CCDC201: variants seen among roughly 807,000 people sequenced by gnomAD.
CCDC201 encodes coiled-coil domain containing 201, also known as coiled-coil domain-containing protein 201.
the CCDC201 span, among the ~76,000 whole-genome samples, chr7:45,879,232 A>T: frequency 6.6e-6 from 1 of 152,178 alleles, no homozygotes; most frequent in Non-Finnish European, 1.5e-5. Context: ...AGTCTTTAGG[A>T]AGTTCTCAAC....
At position 45,864,340 on chromosome 7, in the gene CCDC201, G is replaced by A. The variant is rs530410798; in HGVS notation, c.478-1169C>T. Among the ~76,000 whole-genome samples, 22 of 152,322 alleles carry A rather than the reference G, an allele frequency of 1.4e-4. No homozygotes were observed. In the South Asian group the frequency reaches 4.1e-3, roughly 29 times the overall value. ...GTTCCACATGGGTTGTTCCCCACAA[G>A]CTCTACCCATAGTGAGAGCTTCAGG... On this transcript the variant is annotated intron_variant, in intron 2 of 2. Coordinates refer to ENST00000636578, the Ensembl canonical transcript of CCDC201.
At chr7:45,871,737 C>A (rs4724443) in intron 1 of CCDC201, among the ~76,000 whole-genome samples, 78,425 of 152,094 alleles carry the variant, frequency 0.52, 20,415 homozygotes, top group East Asian at 0.63. Flanking sequence ...TAAATCCACA[C>A]AGTTTCTTAA....
the CCDC201 span, among the ~76,000 whole-genome samples, chr7:45,883,696 T>C: frequency 2.0e-5 from 3 of 152,250 alleles, no homozygotes; most frequent in African/African-American, 4.8e-5. Flanking sequence ...GGTCACTATG[T>C]GGGCCATCCC....
intron 2 of CCDC201, among the ~76,000 whole-genome samples, chr7:45,863,567 C>G (rs1031556691): frequency 2.6e-5 from 4 of 152,132 alleles, no homozygotes; most frequent in African/African-American, 9.7e-5. Context: ...AGAACCCCCT[C>G]TTCTAGGAGG....
intron 1 of CCDC201, among the ~76,000 whole-genome samples, chr7:45,868,453 G>A (rs68177059): frequency 0.045 from 6,810 of 152,256 alleles, 223 homozygotes; most frequent in Admixed American, 0.064. Context: ...ACAAAGGTAT[G>A]ACTACCAAAT....
chr7:45,860,296 T>C (rs962177185), exon 3 of CCDC201: 4 of 152,176 alleles, frequency 2.6e-5, no homozygotes, highest in African/African-American at 9.7e-5. Flanking sequence ...AATGGTAGAA[T>C]GTCATCAGTT....
chr7:45,875,334 A>C (rs140576041), upstream of CCDC201, among the ~76,000 whole-genome samples: 565 of 152,180 alleles, frequency 3.7e-3, 5 homozygotes, highest in African/African-American at 0.013. Context: ...ATCTCTACTG[A>C]AAATACAAAA....
exon 3 of CCDC201, chr7:45,860,626 G>T (rs1786587369): frequency 6.6e-6 from 1 of 152,182 alleles, no homozygotes; most frequent in African/African-American, 2.4e-5. Context: ...ACATAAGCGG[G>T]CAGCACTCAT....
chr7:45,866,141 C>A, exon 2 of CCDC201: 1 of 192,608 alleles, frequency 5.2e-6, no homozygotes, highest in Non-Finnish European at 1.1e-5. Context: ...GGGACTCTTG[C>A]TGCTGCTGCT....
chr7:45,869,276 G>A (rs545935342), intron 1 of CCDC201, among the ~76,000 whole-genome samples: 1 of 152,208 alleles, frequency 6.6e-6, no homozygotes, highest in Admixed American at 6.5e-5. Context: ...ATTAAAATCT[G>A]TTCTCATTGA....
At chr7:45,869,264 A>C (rs1786715179) in intron 1 of CCDC201, among the ~76,000 whole-genome samples, 1 of 152,254 alleles carries the variant, frequency 6.6e-6, no homozygotes, top group Admixed American at 6.5e-5. Flanking sequence ...GTGTGCTGGA[A>C]CATTAAAATC....
chr7:45,884,023 CTTT>C, the CCDC201 span, among the ~76,000 whole-genome samples: 2 of 148,160 alleles, frequency 1.3e-5, no homozygotes, highest in Admixed American at 6.8e-5. Flanking sequence ...CTTTCTCTCT[CTTT>C]CTTCCTTCCT....
At chr7:45,875,977 C>T (rs573921685), upstream of CCDC201, among the ~76,000 whole-genome samples, 6 of 152,300 alleles carry the variant, frequency 3.9e-5, no homozygotes, top group South Asian at 2.1e-4. Flanking sequence ...GAGATGACCA[C>T]GCCCTATTCC....
exon 3 of CCDC201, chr7:45,860,749 C>T (rs1476100024): frequency 6.6e-6 from 1 of 152,236 alleles, no homozygotes. Flanking sequence ...GACTCAGTTC[C>T]ATAGGCATGT....
At chr7:45,872,176 A>G (rs1786749806) in intron 1 of CCDC201, among the ~76,000 whole-genome samples, 2 of 152,068 alleles carry the variant, frequency 1.3e-5, no homozygotes, top group African/African-American at 4.8e-5. Context: ...ACAGGCATGC[A>G]TTTTCTATTT....
At chr7:45,882,278 G>A in the CCDC201 span, among the ~76,000 whole-genome samples, 1 of 152,172 alleles carries the variant, frequency 6.6e-6, no homozygotes, top group Non-Finnish European at 1.5e-5. Flanking sequence ...CCACCCCAGA[G>A]GTCCCAGCCT....
chr7:45,881,989 G>A, the CCDC201 span, among the ~76,000 whole-genome samples: 2 of 152,134 alleles, frequency 1.3e-5, no homozygotes, highest in Non-Finnish European at 2.9e-5. Context: ...AGGGCAGCAC[G>A]TCGGGCCTTT....
intron 1 of CCDC201, among the ~76,000 whole-genome samples, chr7:45,867,074 C>T (rs527926205): frequency 6.6e-6 from 1 of 152,316 alleles, no homozygotes; most frequent in Admixed American, 6.5e-5. Context: ...CATGCTCCTG[C>T]ACTCACACCC....
At chr7:45,878,574 C>T in the CCDC201 span, among the ~76,000 whole-genome samples, 4 of 152,224 alleles carry the variant, frequency 2.6e-5, no homozygotes, top group African/African-American at 9.6e-5. Context: ...CTGAGCAGTA[C>T]CTTGGCCACT....
Sources: allele counts gnomAD v4.1 joint callset (sites outside exome capture counted in the v4.1 genomes callset), GRCh38; gene constraint gnomAD v4.1.1; transcripts MANE v1.5; gene names NCBI Gene and HGNC (gene_info 2026-07-23, HGNC 2026-07-21).